Variants in COL28A1 observed in about 807,000 individuals in gnomAD.
The protein encoded by COL28A1 is collagen type XXVIII alpha 1 chain.
A neutral mutation model predicts 150.2 loss-of-function variants in COL28A1; 161 were observed. The observed-to-expected ratio is 1.07, with a 90% CI of 0.94 to 1.22. The LOEUF (loss-of-function observed/expected upper bound fraction) is 1.22. COL28A1 is among the 50% of genes most tolerant of loss of function. The pLI, the probability that COL28A1 is intolerant of heterozygous loss-of-function variation, is 0.00. For synonymous variants in COL28A1, 552 were observed against 469.7 expected (o/e 1.18, Z -2.26); for missense variants, 1,617 against 1,388.3 (o/e 1.16, Z -2.62).
intron 4 of COL28A1, among the ~76,000 whole-genome samples, chr7:7,522,404 A>C (rs1781775926): frequency 6.6e-6 from 1 of 152,142 alleles, no homozygotes; most frequent in Admixed American, 6.5e-5. Flanking sequence ...TAGGCAAAGG[A>C]AAACATTTGA....
In COL28A1 at chr7:7,444,508, T is replaced by C; in HGVS notation, c.1510-19A>G. 1 of 1,611,790 alleles carries C rather than the reference T, an allele frequency of 6.2e-7. No individual in the cohort carries two copies. The highest frequency in any genetic ancestry group is 8.5e-7 in the Non-Finnish European group (1 of 1,178,120). On this transcript the variant is annotated intron_variant, in intron 18 of 34. Coordinates refer to ENST00000399429, the MANE Select transcript of COL28A1 (RefSeq NM_001037763.3). ...GCTCTCCCTGGTGAATGAACAAATA[T>C]TTTATTTCCCTAAAGTTCATACCTC...
chr7:7,408,042 T>A (rs941689359), intron 27 of COL28A1, among the ~76,000 whole-genome samples: 2 of 152,224 alleles, frequency 1.3e-5, no homozygotes, highest in Admixed American at 1.3e-4. Flanking sequence ...CTTTTTCCAT[T>A]TTCTTCTTAA....
chr7:7,409,688 T>G (rs567453672), intron 27 of COL28A1, among the ~76,000 whole-genome samples: 1 of 152,330 alleles, frequency 6.6e-6, no homozygotes, highest in South Asian at 2.1e-4. Context: ...TTTATTTTTC[T>G]TTTGGAATTT....
At chr7:7,430,158 G>A (rs958470764) in intron 25 of COL28A1, among the ~76,000 whole-genome samples, 1 of 151,846 alleles carries the variant, frequency 6.6e-6, no homozygotes, top group East Asian at 1.9e-4. Context: ...ATGGAGTTTC[G>A]CTCTGTCGCC....
chr7:7,371,000 C>G, intron 32 of COL28A1, 118 bp from the exon 33 acceptor site: 2 of 707,060 alleles, frequency 2.8e-6, no homozygotes, highest in Non-Finnish European at 4.6e-6. Flanking sequence ...TTGAAATCAA[C>G]TGCTAAGTTA....
chr7:7,348,112 G>A, the COL28A1 span, among the ~76,000 whole-genome samples: 9 of 152,230 alleles, frequency 5.9e-5, no homozygotes, highest in South Asian at 1.9e-3. Flanking sequence ...GACTCAGTGA[G>A]TTATAGAAAG....
rs753350124 is a variant in COL28A1 at position 7,358,591 on chromosome 7, G to C, written c.*42C>G. 6.3e-7 allele frequency: 1 copy of C among 1,574,818 alleles called. No homozygotes were observed. Among genetic ancestry groups the C allele is most frequent in the Non-Finnish European group, 8.7e-7 (1 of 1,148,336 alleles). On this transcript the variant is annotated 3_prime_UTR_variant, in exon 35 of 35. Transcript: ENST00000399429. ...GTATTGGGTGAATATGTGGAAATTA[G>C]GGAGTTCTATGCTTTTGATAGAGAC...
chr7:7,380,077 T>C (rs973290595), intron 30 of COL28A1, among the ~76,000 whole-genome samples: 6 of 152,006 alleles, frequency 3.9e-5, no homozygotes, highest in Admixed American at 1.3e-4. Flanking sequence ...AGAAGACAGA[T>C]TGCCTTCAAA....
At chr7:7,433,034 A>T (rs1214870886) in intron 23 of COL28A1, among the ~76,000 whole-genome samples, 1 of 152,214 alleles carries the variant, frequency 6.6e-6, no homozygotes, top group African/African-American at 2.4e-5. Flanking sequence ...GGGAATAAAT[A>T]AACCCAGATG....
At chr7:7,489,511 C>T in intron 12 of COL28A1, 54 bp from the exon 13 acceptor site, 2 of 884,664 alleles carry the variant, frequency 2.3e-6, no homozygotes, top group South Asian at 2.7e-5. Flanking sequence ...AAAGAATAAA[C>T]ATAGCGCAAA....
intron 21 of COL28A1, among the ~76,000 whole-genome samples, chr7:7,439,860 G>A (rs1028591171): frequency 1.3e-5 from 2 of 152,190 alleles, no homozygotes; most frequent in Non-Finnish European, 2.9e-5. Flanking sequence ...ATCCCCAGGT[G>A]ATACCGATGG....
At chr7:7,420,663 T>C (rs1330483154) in intron 25 of COL28A1, among the ~76,000 whole-genome samples, 1 of 152,262 alleles carries the variant, frequency 6.6e-6, no homozygotes, top group Non-Finnish European at 1.5e-5. Flanking sequence ...GTAACTTCTC[T>C]GAACCTCGGT....
chr7:7,361,604 G>C (rs2005855), intron 33 of COL28A1, among the ~76,000 whole-genome samples: 1 of 152,098 alleles, frequency 6.6e-6, no homozygotes, highest in African/African-American at 2.4e-5. Flanking sequence ...GATGATAAGC[G>C]TTTTTTCATG....
intron 25 of COL28A1, among the ~76,000 whole-genome samples, chr7:7,426,102 A>G (rs923458260): frequency 6.6e-6 from 1 of 152,182 alleles, no homozygotes; most frequent in Non-Finnish European, 1.5e-5. Flanking sequence ...TTTGGGGACA[A>G]TAAAAGCAAA....
intron 23 of COL28A1, among the ~76,000 whole-genome samples, chr7:7,433,878 G>T (rs1037556233): frequency 6.6e-6 from 1 of 152,024 alleles, no homozygotes; most frequent in Non-Finnish European, 1.5e-5. Context: ...CCTTTGTTTT[G>T]CAAGAATGGA....
chr7:7,505,891 A>T (rs1217382762), intron 11 of COL28A1, 123 bp downstream of exon 11: 4 of 703,064 alleles, frequency 5.7e-6, no homozygotes, highest in Non-Finnish European at 7.8e-6. Flanking sequence ...TCTGCAGGTT[A>T]TTATGCATTT....
downstream of COL28A1, among the ~76,000 whole-genome samples, chr7:7,353,667 T>C (rs921162927): frequency 2.0e-5 from 3 of 152,146 alleles, no homozygotes; most frequent in Non-Finnish European, 2.9e-5. Flanking sequence ...TATTAAGATG[T>C]GGTCAGTCAG....
At chr7:7,456,706 T>C (rs1458546762) in intron 15 of COL28A1, among the ~76,000 whole-genome samples, 1 of 152,142 alleles carries the variant, frequency 6.6e-6, no homozygotes, top group Non-Finnish European at 1.5e-5. Flanking sequence ...TGAGTGCCCA[T>C]TATAAGCCAG....
intron 13 of COL28A1, 65 bp from the exon 14 acceptor site, chr7:7,477,245 A>G: frequency 4.9e-6 from 4 of 811,324 alleles, no homozygotes; most frequent in South Asian, 4.3e-5. Context: ...AGTGATGAAA[A>G]AGAGGAAAGA....
Sources: allele counts gnomAD v4.1 joint callset (sites outside exome capture counted in the v4.1 genomes callset), GRCh38; gene constraint gnomAD v4.1.1; transcripts MANE v1.5; gene names NCBI Gene and HGNC (gene_info 2026-07-23, HGNC 2026-07-21).